Variants in FANCA observed in about 807,000 individuals in gnomAD.
The protein encoded by FANCA is FA complementation group A, also known as Fanconi anemia group A protein.
A neutral mutation model predicts 194.3 loss-of-function variants in FANCA; 236 were observed. The ratio of observed to expected loss-of-function variants is 1.21; its 90% CI spans 1.09 to 1.35. The LOEUF (loss-of-function observed/expected upper bound fraction) is 1.35. Ranked by LOEUF, FANCA falls within the 40% of genes most tolerant of loss-of-function variation. The pLI is 0.00. For synonymous variants in FANCA, 1,014 were observed against 715.8 expected (o/e 1.42, Z -6.65); for missense variants, 2,628 against 1,813.9 (o/e 1.45, Z -8.15).
At chr16:89,746,441 A>T in intron 35 of FANCA, 143 bp downstream of exon 35, 1 of 727,358 alleles carries the variant, frequency 1.4e-6, no homozygotes, top group Non-Finnish European at 2.4e-6. Context: ...TGGCATCTTT[A>T]ACTGTGGCTT....
intron 6 of FANCA, 57 bp from the exon 7 acceptor site, chr16:89,805,449 T>C (rs1341978520): frequency 3.5e-6 from 5 of 1,428,224 alleles, no homozygotes; most frequent in Non-Finnish European, 4.9e-6. Flanking sequence ...CATCAGGGGA[T>C]TGAGTTGAGC....
intron 36 of FANCA, among the ~76,000 whole-genome samples, chr16:89,743,464 G>A (rs1422377764): frequency 6.6e-6 from 1 of 152,224 alleles, no homozygotes; most frequent in Admixed American, 6.5e-5. Flanking sequence ...TAGCACTTCA[G>A]GAGGATCGCT....
chr16:89,779,958 C>G lies in FANCA; in HGVS notation c.1627-1G>C. 1 of 1,614,060 alleles carries G rather than the reference C, an allele frequency of 6.2e-7. No individual in the cohort carries two copies. Among genetic ancestry groups the G allele is most frequent in the Non-Finnish European group, 8.5e-7 (1 of 1,179,932 alleles). ...CATCCTGAAGAGCTTGGCTGTGGGG[C>G]TGGTTCCCATACAGGGAGGAAAGGA... On this transcript the variant is annotated splice_acceptor_variant, in intron 17 of 42. Coordinates refer to ENST00000389301, the MANE Select transcript of FANCA (RefSeq NM_000135.4). LOFTEE classifies it high-confidence loss of function.
At chr16:89,788,666 G>A (rs2039973131) in intron 14 of FANCA, among the ~76,000 whole-genome samples, 1 of 151,902 alleles carries the variant, frequency 6.6e-6, no homozygotes, top group African/African-American at 2.4e-5. Context: ...TGGGTGTGGT[G>A]GCACACACCT....
chr16:89,747,131 T>C (rs1054219416), intron 33 of FANCA, among the ~76,000 whole-genome samples: 1 of 152,124 alleles, frequency 6.6e-6, no homozygotes, highest in Non-Finnish European at 1.5e-5. Flanking sequence ...AACAGTCTTG[T>C]AGGCTCCAGG....
At chr16:89,766,361 G>A (rs1667162997) in intron 27 of FANCA, among the ~76,000 whole-genome samples, 1 of 152,110 alleles carries the variant, frequency 6.6e-6, no homozygotes, top group African/African-American at 2.4e-5. Flanking sequence ...CTGGTTTGCA[G>A]TGCCATTTCA....
chr16:89,775,974 A>AT (rs1555550597), intron 20 of FANCA, among the ~76,000 whole-genome samples, 159 bp from the exon 21 acceptor site: 2 of 151,700 alleles, frequency 1.3e-5, no homozygotes, highest in African/African-American at 4.8e-5. Context: ...AATATTAAAA[A>AT]ATATATATAG....
At chr16:89,771,073 G>A (rs767696198) in intron 23 of FANCA, among the ~76,000 whole-genome samples, 16 of 150,244 alleles carry the variant, frequency 1.1e-4, no homozygotes, top group Non-Finnish European at 2.4e-4. Context: ...GCTGAGGCAA[G>A]AGAACTGCTT....
In FANCA at chr16:89,805,403, A is replaced by C. The variant is rs762582152; in HGVS notation, c.597-11T>G. The C allele has an allele frequency of 6.3e-7, 1 of 1,599,882 alleles. No individual in the cohort carries two copies. Among genetic ancestry groups the C allele is most frequent in the Non-Finnish European group, 8.6e-7 (1 of 1,167,408 alleles). On this transcript the variant is annotated splice_polypyrimidine_tract_variant and intron_variant, in intron 6 of 42. Coordinates refer to ENST00000389301, the MANE Select transcript of FANCA (RefSeq NM_000135.4). Reference sequence around the variant, plus strand: ...TGCATGTCGGGATGGCTGGAGACACACACAGAGGCAGACGTAAGGCTCAAC... The same window carrying C: ...TGCATGTCGGGATGGCTGGAGACACCCACAGAGGCAGACGTAAGGCTCAAC...
At chr16:89,791,291 C>G in intron 14 of FANCA, 112 bp downstream of exon 14, 1 of 1,432,994 alleles carries the variant, frequency 7.0e-7, no homozygotes, top group Non-Finnish European at 9.6e-7. Context: ...GCAAAGCTGA[C>G]AGCAAGGTTG....
chr16:89,787,640 G>A (rs1336496682), intron 14 of FANCA, among the ~76,000 whole-genome samples: 2 of 152,032 alleles, frequency 1.3e-5, no homozygotes, highest in Non-Finnish European at 2.9e-5. Flanking sequence ...GGAAGTTGAG[G>A]TGGGAGGATC....
intron 13 of FANCA, 41 bp from the exon 14 acceptor site, chr16:89,791,577 A>G: frequency 1.2e-6 from 2 of 1,612,348 alleles, no homozygotes; most frequent in Non-Finnish European, 1.7e-6. Context: ...AGGCAAGGGC[A>G]GCCAGCAGGA....
chr16:89,749,886 A>C lies in FANCA; in HGVS notation c.3083T>G (p.Leu1028Arg). ...CACTATGAGGTCTTGCTGCAGCTCCAGGTCAGCTACCATCTCCTGAAAAAG... is the reference window on the plus strand; with the variant it reads ...CACTATGAGGTCTTGCTGCAGCTCCCGGTCAGCTACCATCTCCTGAAAAAG... The part of the protein sequence containing the change: ...ISRLQEMVAD[L>R]ELQQDLIVPL... The change falls in exon 32 of 43, where the codon CTG becomes CGG. Residue 1028 changes from leucine (L) to arginine (R), a missense_variant. Physicochemically the swap from Leu to Arg is moderately radical, Grantham distance 102. Coordinates refer to ENST00000389301, the MANE Select transcript of FANCA (RefSeq NM_000135.4). 1 of 1,614,126 alleles carries C rather than the reference A, an allele frequency of 6.2e-7. No homozygotes were observed. Among genetic ancestry groups the C allele is most frequent in the Non-Finnish European group, 8.5e-7 (1 of 1,180,026 alleles).
In FANCA at chr16:89,771,826, G is replaced by T; in HGVS notation, c.2015-12C>A. ...CTGTGCCGATATAACTGCGAAGGAAGAAACTAGTTAGGGATGACAAGAACC... is the reference window on the plus strand; with the variant it reads ...CTGTGCCGATATAACTGCGAAGGAATAAACTAGTTAGGGATGACAAGAACC... On this transcript the variant is annotated splice_polypyrimidine_tract_variant and intron_variant, in intron 22 of 42. Transcript: ENST00000389301. The T allele has an allele frequency of 6.2e-7, 1 of 1,613,528 alleles. No individual in the cohort carries two copies. Among genetic ancestry groups the T allele is most frequent in the Non-Finnish European group, 8.5e-7 (1 of 1,180,026 alleles).
In FANCA at chr16:89,767,191, G is replaced by A. The variant is rs1406289451; in HGVS notation, c.2551C>T (p.Gln851Ter). ...ISYSLCKFSS[Q>*]SRDTLCSCLS... ...CAGCTGCACAAAGTATCTCGTGACTGGGAAGAAAACTTGCAGAGAGAGTAA... is the reference window on the plus strand; with the variant it reads ...CAGCTGCACAAAGTATCTCGTGACTAGGAAGAAAACTTGCAGAGAGAGTAA... The change falls in exon 27 of 43, where the codon CAG (glutamine) becomes TAG (stop). Residue 851 changes from glutamine to a stop codon, truncating the protein, a stop_gained. Transcript: ENST00000389301. LOFTEE classifies it high-confidence loss of function. The A allele has an allele frequency of 1.2e-6, 2 of 1,613,906 alleles. No individual in the cohort carries two copies. Among genetic ancestry groups the A allele is most frequent in the Non-Finnish European group, 1.7e-6 (2 of 1,179,812 alleles).
chr16:89,778,018 C>T (rs567006816), intron 20 of FANCA, among the ~76,000 whole-genome samples: 17 of 151,626 alleles, frequency 1.1e-4, no homozygotes, highest in Admixed American at 2.0e-4. Context: ...AAAAATTAGC[C>T]GGGCGTGGTG....
intron 20 of FANCA, among the ~76,000 whole-genome samples, 185 bp from the exon 21 acceptor site, chr16:89,776,000 T>C (rs892807736): frequency 6.6e-6 from 1 of 151,628 alleles, no homozygotes; most frequent in African/African-American, 2.4e-5. Flanking sequence ...AAAAGCACTG[T>C]TTCAAAATAT....
intron 26 of FANCA, 36 bp downstream of exon 26, chr16:89,769,801 G>T (rs1240914042): frequency 1.2e-6 from 2 of 1,610,024 alleles, no homozygotes; most frequent in Non-Finnish European, 1.7e-6. Context: ...TTTCGAGAGA[G>T]AGGAGAGAAG....
chr16:89,764,993 G>C lies in FANCA; in HGVS notation c.2675C>G (p.Ser892Cys). The stretch of plus-strand genomic sequence containing the variant: ...AGAAGGAAGGTGCAAGGGTCTCCAG[G>C]AAAGGCTGGCTACGTCCTCCTCAGA... ...PLSEEDVASLSWRPLHLPSAD... is the reference protein window; with the variant it reads ...PLSEEDVASLCWRPLHLPSAD... Residue 892 changes from serine (S) to cysteine (C), a missense_variant, in exon 28 of 43, where the codon TCC (serine) becomes TGC (cysteine). Physicochemically the swap from Ser to Cys is moderately radical, Grantham distance 112. Coordinates refer to ENST00000389301, the MANE Select transcript of FANCA (RefSeq NM_000135.4). 1 of 1,614,250 alleles carries C rather than the reference G, an allele frequency of 6.2e-7. No homozygotes were observed. The highest frequency in any genetic ancestry group is 8.5e-7 in the Non-Finnish European group (1 of 1,180,044).
Sources: gnomAD v4.1 joint callset for allele counts (sites outside exome capture counted in the v4.1 genomes callset) on GRCh38, gnomAD v4.1.1 for gene constraint, MANE v1.5 for transcripts, NCBI Gene and HGNC (gene_info 2026-07-23, HGNC 2026-07-21) for gene names.